The following PROS1 variants were observed in gnomAD, a reference collection of about 807,000 sequenced individuals.
PROS1 encodes vitamin K-dependent protein S.
In PROS1, 29 loss-of-function variants were observed where a neutral mutation model predicts 75.9. The ratio of observed to expected loss-of-function variants is 0.38; its 90% CI spans 0.28 to 0.52. The LOEUF (loss-of-function observed/expected upper bound fraction) is 0.52. Ranked by LOEUF, PROS1 falls within the 20% of genes least tolerant of loss-of-function variation. The pLI is 0.83. For missense variants in PROS1, 680 were observed against 810.3 expected, an observed-to-expected ratio of 0.84 and a Z score of 1.95; for synonymous variants, 245 against 280.6, an observed-to-expected ratio of 0.87 and a Z score of 1.27.
chr3:93,916,121 AG>A (rs1430969538), intron 3 of PROS1, among the ~76,000 whole-genome samples: 3 of 152,150 alleles, frequency 2.0e-5, no homozygotes, highest in Admixed American at 6.5e-5. Flanking sequence ...GAAGGTAGTA[AG>A]GCAAAAGGGT....
intron 2 of PROS1, among the ~76,000 whole-genome samples, chr3:93,925,076 A>G (rs1708997798): frequency 6.6e-6 from 1 of 152,238 alleles, no homozygotes; most frequent in Non-Finnish European, 1.5e-5. Context: ...GTTTGTCTGT[A>G]AATCAGTCAA....
At chr3:93,902,894 T>C (rs1034242537) in intron 6 of PROS1, among the ~76,000 whole-genome samples, 3 of 152,106 alleles carry the variant, frequency 2.0e-5, no homozygotes, top group African/African-American at 7.2e-5. Flanking sequence ...TTTTGGTTTG[T>C]TTGTTTGTTT....
Position 93,884,869 on chromosome 3 carries a change from G to A in PROS1, c.1351C>T (p.Arg451Ter), listed in dbSNP as rs5017717. Residue 451 changes from arginine (R) to a stop codon, truncating the protein, a stop_gained, in exon 12 of 15, where the codon CGA becomes TGA. Transcript: ENST00000394236. LOFTEE classifies it high-confidence loss of function. ...CCTTGCTTCATCAAATTCCAGCTTCGTATACATCCATCTAGACGAGGGTTA... is the reference window on the plus strand; with the variant it reads ...CCTTGCTTCATCAAATTCCAGCTTCATATACATCCATCTAGACGAGGGTTA... Reference protein sequence around the residue: ...PINPRLDGCIRSWNLMKQGAS... With the variant: ...PINPRLDGCI 2.5e-6 allele frequency: 4 copies of A among 1,612,824 alleles called. No individual in the cohort carries two copies. Among genetic ancestry groups the A allele is most frequent in the East Asian group, 2.2e-5 (1 of 44,810 alleles).
intron 10 of PROS1, among the ~76,000 whole-genome samples, chr3:93,887,549 G>A (rs538678533): frequency 6.6e-6 from 1 of 152,286 alleles, no homozygotes; most frequent in African/African-American, 2.4e-5. Context: ...AAAACACCAT[G>A]ATAGGAAGGG....
chr3:93,959,313 C>G (rs1472835259), intron 1 of PROS1, among the ~76,000 whole-genome samples: 2 of 151,818 alleles, frequency 1.3e-5, no homozygotes, highest in Non-Finnish European at 2.9e-5. Context: ...GACTCTTTCT[C>G]AAAATAACAA....
chr3:93,898,545 A>T lies in PROS1; in HGVS notation c.752T>A (p.Met251Lys). The change falls in exon 8 of 15, where the codon ATG (methionine) becomes AAG (lysine). Residue 251 changes from methionine to lysine, a missense_variant. Met to Lys is a moderately conservative substitution (Grantham distance 95). Transcript: ENST00000394236. ...GTAATTGACACAAAGCTGAGCACAC[A>T]TGTTCTCAGAGCATTCATCTATATC... ...CEDIDECSEN[M>K]CAQLCVNYPG... 1 of 1,612,592 alleles carries T rather than the reference A, an allele frequency of 6.2e-7. No homozygotes were observed. Among genetic ancestry groups the T allele is most frequent in the South Asian group, 1.1e-5 (1 of 91,050 alleles).
intron 11 of PROS1, among the ~76,000 whole-genome samples, chr3:93,885,677 A>C (rs1257979357): frequency 9.9e-5 from 15 of 152,194 alleles, no homozygotes; most frequent in African/African-American, 3.6e-4. Context: ...AATGATTGAT[A>C]CTTTTTGAAT....
intron 1 of PROS1, among the ~76,000 whole-genome samples, chr3:93,938,181 T>C (rs1709218875): frequency 6.6e-6 from 1 of 152,176 alleles, no homozygotes; most frequent in Non-Finnish European, 1.5e-5. Flanking sequence ...CCTTAACTGA[T>C]GACATTACCT....
intron 10 of PROS1, 118 bp downstream of exon 10, chr3:93,892,815 T>C: frequency 1.1e-6 from 1 of 875,928 alleles, no homozygotes; most frequent in Non-Finnish European, 1.9e-6. Flanking sequence ...AGAATATACC[T>C]CATATAGCAT....
At chr3:93,945,353 CA>C (rs992818827) in intron 1 of PROS1, among the ~76,000 whole-genome samples, 21 of 151,400 alleles carry the variant, frequency 1.4e-4, no homozygotes, top group South Asian at 4.2e-4. Context: ...GACACAACAA[CA>C]AAAAAAAGAG....
intron 1 of PROS1, among the ~76,000 whole-genome samples, chr3:93,942,306 C>T (rs1191918865): frequency 6.6e-6 from 1 of 152,172 alleles, no homozygotes; most frequent in African/African-American, 2.4e-5. Context: ...TCTGAATATT[C>T]CGTCCATATC....
intron 3 of PROS1, among the ~76,000 whole-genome samples, chr3:93,923,445 T>C (rs1440822210): frequency 6.6e-6 from 1 of 152,222 alleles, no homozygotes; most frequent in Non-Finnish European, 1.5e-5. Flanking sequence ...TATTGTCTAT[T>C]TTTATTATAA....
chr3:93,970,271 T>C (rs1372648078), intron 1 of PROS1, among the ~76,000 whole-genome samples: 1 of 152,192 alleles, frequency 6.6e-6, no homozygotes, highest in Non-Finnish European at 1.5e-5. Flanking sequence ...GGACATCCTC[T>C]TTCTCCTATT....
intron 3 of PROS1, among the ~76,000 whole-genome samples, chr3:93,921,171 A>T (rs1708939134): frequency 6.6e-6 from 1 of 152,212 alleles, no homozygotes; most frequent in South Asian, 2.1e-4. Context: ...GGCATAAGCC[A>T]CTGCACCCAG....
intron 1 of PROS1, among the ~76,000 whole-genome samples, chr3:93,936,532 T>C (rs1452012093): frequency 6.6e-6 from 1 of 152,178 alleles, no homozygotes; most frequent in Non-Finnish European, 1.5e-5. Flanking sequence ...CTCTATCCCC[T>C]GTGCACACAC....
intron 3 of PROS1, among the ~76,000 whole-genome samples, chr3:93,923,547 A>G (rs1708973512): frequency 6.6e-6 from 1 of 152,194 alleles, no homozygotes; most frequent in Non-Finnish European, 1.5e-5. Context: ...CTTGCATGTA[A>G]CTTTACAAAA....
chr3:93,927,319 T>C lies in PROS1; in HGVS notation c.165A>G (p.Glu55=). ...LLEETKQGNL[E]RECIEELCNK... The stretch of plus-strand genomic sequence containing the variant: ...TGCACAGTTCTTCGATGCATTCTCT[T>C]TCAAGATTACCCTGTTTGGTTTCTT... Residue 55 remains glutamate, a synonymous_variant, in exon 2 of 15, where the codon GAA becomes GAG. Coordinates refer to ENST00000394236, the MANE Select transcript of PROS1 (RefSeq NM_000313.4). 6.2e-7 allele frequency: 1 copy of C among 1,613,780 alleles called. No individual in the cohort carries two copies. The highest frequency in any genetic ancestry group is 1.3e-5 in the African/African-American group (1 of 74,988).
chr3:93,969,130 T>C (rs1709836462), intron 1 of PROS1, among the ~76,000 whole-genome samples: 1 of 150,260 alleles, frequency 6.7e-6, no homozygotes, highest in South Asian at 2.1e-4. Context: ...TTCTTTTTTT[T>C]TTTTTTTTTT....
In PROS1 at chr3:93,902,413, A is replaced by G. The variant is rs868795549; in HGVS notation, c.602-1484T>C. ...ATCATACAAGTTTAAGTTACAGTAC[A>G]TTGGTTTTATGACTCCAAACTGACA... On this transcript the variant is annotated intron_variant, in intron 6 of 14. Transcript: ENST00000394236. 3.9e-5 allele frequency among the ~76,000 whole-genome samples: 6 copies of G among 152,216 alleles called. No homozygotes were observed. The South Asian group carries it at 1.0e-3, about 26-fold the overall frequency.
Sources: gnomAD v4.1 joint callset for allele counts (sites outside exome capture counted in the v4.1 genomes callset) on GRCh38, gnomAD v4.1.1 for gene constraint, MANE v1.5 for transcripts, NCBI Gene and HGNC (gene_info 2026-07-23, HGNC 2026-07-21) for gene names.